The following KIAA1549 variants were observed in gnomAD, a reference collection of about 807,000 sequenced individuals.
KIAA1549 encodes the protein KIAA1549, also known as UPF0606 protein KIAA1549.
KIAA1549 carries 70 observed loss-of-function variants against 156.4 expected under a neutral mutation model. The observed-to-expected ratio is 0.45, with a 90% CI of 0.37 to 0.55. KIAA1549 has a LOEUF of 0.55. KIAA1549 is among the 20% of genes least tolerant of loss of function. The pLI is 0.00. For missense variants in KIAA1549, 2,428 were observed against 2,540.9 expected, an observed-to-expected ratio of 0.96 and a Z score of 0.96; for synonymous variants, 1,103 against 1,066.4, an observed-to-expected ratio of 1.03 and a Z score of -0.67.
At chr7:138,885,788 C>A (rs1811373975) in intron 10 of KIAA1549, among the ~76,000 whole-genome samples, 1 of 152,194 alleles carries the variant, frequency 6.6e-6, no homozygotes, top group South Asian at 2.1e-4. Context: ...GTCCTGTGAA[C>A]TGCTCTAGCA....
rs530422234 is a variant in KIAA1549, at chr7:138,918,321, C to T, written c.1305G>A (p.Thr435=). 1.5e-5 allele frequency: 24 copies of T among 1,613,992 alleles called. No individual in the cohort carries two copies. In the East Asian group the frequency reaches 2.5e-4, roughly 16 times the overall value. The part of the protein sequence containing the change: ...TVPSPQQVLA[T]SLMEKDVGSG... ...ATCCCACGTCTTTCTCCATGAGGCT[C>T]GTGGCCAGAACTTGCTGAGGTGAAG... Residue 435 remains threonine, a synonymous_variant, in exon 2 of 20, where the codon ACG becomes ACA. Coordinates refer to ENST00000422774, the MANE Select transcript of KIAA1549 (RefSeq NM_001164665.2). This position sits in a 1 kb window ranked among gnomAD's most constrained non-coding sequence, Gnocchi z 4.2.
chr7:138,972,900 T>C (rs1009437667), intron 1 of KIAA1549, among the ~76,000 whole-genome samples: 1 of 152,086 alleles, frequency 6.6e-6, no homozygotes, highest in Admixed American at 6.5e-5. Context: ...CAGCTCACTG[T>C]AACATCCGCC....
chr7:138,879,849 C>T (rs758267085), intron 11 of KIAA1549, among the ~76,000 whole-genome samples, 196 bp from the exon 12 acceptor site: 31 of 152,188 alleles, frequency 2.0e-4, no homozygotes, highest in South Asian at 4.1e-4. Context: ...CAGATTAACA[C>T]GGCTTACTAA....
intron 17 of KIAA1549, among the ~76,000 whole-genome samples, chr7:138,844,846 CA>C (rs1810028418): frequency 6.6e-6 from 1 of 151,924 alleles, no homozygotes; most frequent in African/African-American, 2.4e-5. Context: ...GAAACAGAAA[CA>C]CTAGGGGCGA....
At chr7:138,905,793 G>C (rs1811990091) in intron 6 of KIAA1549, among the ~76,000 whole-genome samples, 1 of 151,820 alleles carries the variant, frequency 6.6e-6, no homozygotes, top group Non-Finnish European at 1.5e-5. Context: ...AGGAAGAAAG[G>C]TTTCATGTTT....
chr7:138,852,152 G>T, intron 17 of KIAA1549, 71 bp downstream of exon 17: 1 of 1,016,866 alleles, frequency 9.8e-7, no homozygotes, highest in Non-Finnish European at 1.5e-6. Context: ...GCTAAAATTA[G>T]TGAGTTTATA....
intron 9 of KIAA1549, among the ~76,000 whole-genome samples, chr7:138,895,269 T>C (rs551028823): frequency 7.2e-5 from 11 of 152,326 alleles, no homozygotes; most frequent in African/African-American, 2.6e-4. Flanking sequence ...AGATACGACA[T>C]GTGCACCAGT....
chr7:138,854,996 C>T (rs1011952025), intron 16 of KIAA1549, among the ~76,000 whole-genome samples: 2 of 152,148 alleles, frequency 1.3e-5, no homozygotes, highest in African/African-American at 2.4e-5. Flanking sequence ...ACAAACAAAA[C>T]GAAGATTCTG....
chr7:138,936,642 CA>C (rs1813017617), intron 1 of KIAA1549, among the ~76,000 whole-genome samples: 1 of 152,100 alleles, frequency 6.6e-6, no homozygotes, highest in Admixed American at 6.5e-5. Context: ...TCTTAAGCCC[CA>C]TATGCAAAGG....
chr7:138,909,133 A>C lies in KIAA1549; in HGVS notation c.3146-12T>G. The C allele has an allele frequency of 6.2e-7, 1 of 1,608,592 alleles. No homozygotes were observed. Among genetic ancestry groups the C allele is most frequent in the Non-Finnish European group, 8.5e-7 (1 of 1,176,980 alleles). The stretch of plus-strand genomic sequence containing the variant: ...CACAAACTGAAGTACTGAAAAGAAA[A>C]GCAATCAAAGTCCCATAAATGAGGT... On this transcript the variant is annotated splice_polypyrimidine_tract_variant and intron_variant, in intron 4 of 19. Coordinates refer to ENST00000422774, the MANE Select transcript of KIAA1549 (RefSeq NM_001164665.2).
chr7:138,959,463 T>A (rs1375047772), intron 1 of KIAA1549, among the ~76,000 whole-genome samples: 1 of 152,176 alleles, frequency 6.6e-6, no homozygotes, highest in African/African-American at 2.4e-5. Context: ...CCAACCTGCA[T>A]AGGACAAAGG....
intron 1 of KIAA1549, among the ~76,000 whole-genome samples, chr7:138,944,585 A>G (rs545025892): frequency 6.6e-6 from 1 of 152,278 alleles, no homozygotes; most frequent in East Asian, 1.9e-4. Flanking sequence ...CGTTCAAACC[A>G]AAACTTCTGC....
At chr7:138,911,863 T>C (rs1812179162) in intron 3 of KIAA1549, among the ~76,000 whole-genome samples, 1 of 152,252 alleles carries the variant, frequency 6.6e-6, no homozygotes, top group Non-Finnish European at 1.5e-5. Flanking sequence ...ACGAGCCCCA[T>C]TTCACTGCTG....
chr7:138,847,342 C>T (rs536657699), intron 17 of KIAA1549, among the ~76,000 whole-genome samples: 83 of 152,288 alleles, frequency 5.5e-4, no homozygotes, highest in African/African-American at 1.8e-3. Flanking sequence ...AAGCTCACCT[C>T]GCCAGTTTTA....
At chr7:138,900,297 A>T (rs1157809908) in intron 8 of KIAA1549, among the ~76,000 whole-genome samples, 1 of 152,132 alleles carries the variant, frequency 6.6e-6, no homozygotes, top group African/African-American at 2.4e-5. Flanking sequence ...TCTGTTCTTT[A>T]TGCTTCGTCC....
At chr7:138,900,518 T>C (rs1161319404) in intron 8 of KIAA1549, among the ~76,000 whole-genome samples, 6 of 152,228 alleles carry the variant, frequency 3.9e-5, no homozygotes, top group African/African-American at 1.4e-4. Context: ...AATCCAGTGA[T>C]ACCCACCTTG....
intron 9 of KIAA1549, 26 bp downstream of exon 9, chr7:138,898,929 C>G (rs1811764020): frequency 6.2e-7 from 1 of 1,611,268 alleles, no homozygotes; most frequent in Non-Finnish European, 8.5e-7. Context: ...CAGCACAGCA[C>G]AGACGACAAC....
intron 1 of KIAA1549, among the ~76,000 whole-genome samples, chr7:138,949,996 A>C (rs544451005): frequency 1.3e-5 from 2 of 152,348 alleles, no homozygotes; most frequent in African/African-American, 4.8e-5. Flanking sequence ...TCTGCACAGG[A>C]ACAAGTTATC....
intron 16 of KIAA1549, among the ~76,000 whole-genome samples, chr7:138,852,802 G>C (rs554117809): frequency 1.3e-5 from 2 of 152,318 alleles, no homozygotes; most frequent in South Asian, 4.2e-4. Context: ...CCAGAAACTA[G>C]AGAGACTCTA....
Sources: allele counts gnomAD v4.1 joint callset (sites outside exome capture counted in the v4.1 genomes callset), GRCh38; gene constraint gnomAD v4.1.1; non-coding constraint Gnocchi (gnomAD v3.1); transcripts MANE v1.5; gene names NCBI Gene and HGNC (gene_info 2026-07-23, HGNC 2026-07-21).